Variants in BEND6 observed in about 807,000 individuals in gnomAD.
BEND6 encodes BEN domain-containing protein 6.
A neutral mutation model predicts 31.8 loss-of-function variants in BEND6; 24 were observed. The observed-to-expected ratio is 0.75, with a 90% CI of 0.55 to 1.06. BEND6 has a LOEUF of 1.06. BEND6 is among the 50% of genes least tolerant of loss of function. BEND6 has a pLI of 0.00. For synonymous variants in BEND6, 109 were observed against 114.6 expected, an observed-to-expected ratio of 0.95 and a Z score of 0.31; for missense variants, 294 against 327.4, an observed-to-expected ratio of 0.90 and a Z score of 0.79.
At chr6:56,974,604 T>A (rs1317199505) in intron 1 of BEND6, among the ~76,000 whole-genome samples, 1 of 152,188 alleles carries the variant, frequency 6.6e-6, no homozygotes, top group Non-Finnish European at 1.5e-5. Context: ...ATGGGACAAC[T>A]TCATTGCTTT....
intron 3 of BEND6, among the ~76,000 whole-genome samples, chr6:57,012,784 C>A (rs1827391376): frequency 6.6e-6 from 1 of 152,112 alleles, no homozygotes; most frequent in African/African-American, 2.4e-5. Context: ...TGCCAATGAA[C>A]ATGTACAAAC....
rs187472818 is a variant in BEND6, at chr6:56,983,909, A to C, written c.120+1979A>C. ...AAACAATGACAAAGTAAATATCCTT[A>C]TACATGTCCTTTTAAGAAACTTTGT... is the stretch of plus-strand genomic sequence containing the variant. On this transcript the variant is annotated intron_variant, in intron 2 of 6. Coordinates refer to ENST00000370746, the MANE Select transcript of BEND6 (RefSeq NM_152731.3). 1.1e-4 allele frequency among the ~76,000 whole-genome samples: 16 copies of C among 152,254 alleles called. No individual in the cohort carries two copies. The East Asian group carries it at 3.1e-3, about 29-fold the overall frequency.
rs1826338525 is a variant in BEND6, at chr6:56,987,826, A to G, written c.121-4552A>G. 2.0e-5 allele frequency among the ~76,000 whole-genome samples: 3 copies of G among 151,824 alleles called. No individual in the cohort carries two copies. The South Asian group carries it at 6.2e-4, about 32-fold the overall frequency. Reference sequence around the variant, plus strand: ...CTTATAAATTCCACTCTGTACTCCAATTTTCCAGATTTGGATATATATATA... The same window carrying G: ...CTTATAAATTCCACTCTGTACTCCAGTTTTCCAGATTTGGATATATATATA... On this transcript the variant is annotated intron_variant, in intron 2 of 6. Transcript: ENST00000370746.
intron 1 of BEND6, among the ~76,000 whole-genome samples, chr6:56,970,108 G>A (rs1216191748): frequency 6.6e-6 from 1 of 152,112 alleles, no homozygotes; most frequent in East Asian, 1.9e-4. Context: ...GCATGTGTGT[G>A]TGTATTTTCT....
Position 57,019,515 on chromosome 6 carries a change from A to G in BEND6, c.*9+958A>G, listed in dbSNP as rs1261404881. ...TACCAGCCACTTTCGAGACCATTTT[A>G]CTTGACTTCATTTCTTCTGACCATG... On this transcript the variant is annotated intron_variant, in intron 6 of 6. Coordinates refer to ENST00000370746, the MANE Select transcript of BEND6 (RefSeq NM_152731.3). Among the ~76,000 whole-genome samples, 3 of 151,934 alleles carry G rather than the reference A, an allele frequency of 2.0e-5. No homozygotes were observed. The East Asian group carries it at 5.8e-4, about 29-fold the overall frequency.
chr6:56,970,571 GTAAA>G (rs780964443), intron 1 of BEND6, among the ~76,000 whole-genome samples: 1 of 152,102 alleles, frequency 6.6e-6, no homozygotes, highest in Non-Finnish European at 1.5e-5. Flanking sequence ...CTTTTAGTAA[GTAAA>G]TAAATAAATA....
chr6:56,969,328 A>G (rs542216329), intron 1 of BEND6, among the ~76,000 whole-genome samples: 3 of 152,304 alleles, frequency 2.0e-5, no homozygotes, highest in African/African-American at 4.8e-5. Context: ...TAAATAATAT[A>G]GGCATCTCCT....
At chr6:57,026,003 CAAAT>C (rs939200772) in intron 6 of BEND6, 75 bp from the exon 7 acceptor site, 8 of 152,092 alleles carry the variant, frequency 5.3e-5, no homozygotes, top group Admixed American at 2.0e-4. Flanking sequence ...GATACAAAAA[CAAAT>C]AACTCATATA....
At position 56,981,122 on chromosome 6, in the gene BEND6, C is replaced by T. The variant is rs377407292; in HGVS notation, c.-100-589C>T. Among the ~76,000 whole-genome samples the T allele has an allele frequency of 4.0e-4, 61 of 152,220 alleles. 1 individual carries two copies. In the East Asian group the frequency reaches 0.01, roughly 25 times the overall value. ...AGCCGTCATGCCCAGCCTGCTTTAT[C>T]AGATTTTGATAAATGATTATTCCTT... On this transcript the variant is annotated intron_variant, in intron 1 of 6. Transcript: ENST00000370746.
chr6:56,958,303 G>C (rs13214032), intron 1 of BEND6, among the ~76,000 whole-genome samples: 17,965 of 152,216 alleles, frequency 0.12, 1,370 homozygotes, highest in Middle Eastern at 0.2. Flanking sequence ...AAAGGCGGCA[G>C]AAACATCTTC....
At chr6:57,017,622 G>C (rs533875281) in intron 5 of BEND6, among the ~76,000 whole-genome samples, 22 of 152,092 alleles carry the variant, frequency 1.4e-4, no homozygotes, top group African/African-American at 5.1e-4. Context: ...ATCACCAAAA[G>C]GTTTCAATTC....
chr6:56,976,680 T>C (rs1825889547), intron 1 of BEND6, among the ~76,000 whole-genome samples: 1 of 152,188 alleles, frequency 6.6e-6, no homozygotes, highest in South Asian at 2.1e-4. Flanking sequence ...TTCCCCTGCC[T>C]CAGCCTCCTG....
At chr6:57,004,943 A>G in intron 3 of BEND6, 2 of 515,744 alleles carry the variant, frequency 3.9e-6, no homozygotes, top group South Asian at 2.1e-5. Flanking sequence ...GTCAGATTAT[A>G]TAGTTGAAAG....
chr6:56,973,111 G>A (rs1825746784), intron 1 of BEND6, among the ~76,000 whole-genome samples: 1 of 152,174 alleles, frequency 6.6e-6, no homozygotes, highest in South Asian at 2.1e-4. Context: ...GAGACAGTGG[G>A]ATATATGTTG....
At chr6:57,011,715 CAAAAA>C (rs770049459) in intron 3 of BEND6, among the ~76,000 whole-genome samples, 2 of 34,114 alleles carry the variant, frequency 5.9e-5, no homozygotes, top group Non-Finnish European at 1.2e-4. Flanking sequence ...GGCCCTGTCT[CAAAAA>C]AAAAAAAAAA....
At chr6:56,970,149 C>A (rs975246882) in intron 1 of BEND6, among the ~76,000 whole-genome samples, 1 of 151,408 alleles carries the variant, frequency 6.6e-6, no homozygotes, top group African/African-American at 2.4e-5. Flanking sequence ...CTGTAACAGT[C>A]AAAAAAAATT....
At chr6:56,988,753 G>C (rs1826381042) in intron 2 of BEND6, among the ~76,000 whole-genome samples, 1 of 152,132 alleles carries the variant, frequency 6.6e-6, no homozygotes, top group Admixed American at 6.5e-5. Context: ...TATAGGCTGG[G>C]CGTGGTGGCT....
intron 3 of BEND6, among the ~76,000 whole-genome samples, chr6:56,995,663 TTC>T (rs1271611553): frequency 1.3e-5 from 2 of 152,146 alleles, no homozygotes; most frequent in Non-Finnish European, 1.5e-5. Context: ...TCTTGTGTGC[TTC>T]TCTCTCTGTG....
chr6:56,980,582 G>A (rs1170790170), intron 1 of BEND6, among the ~76,000 whole-genome samples: 1 of 152,210 alleles, frequency 6.6e-6, no homozygotes, highest in Non-Finnish European at 1.5e-5. Flanking sequence ...ATAGTCCTGT[G>A]TTAGCTCAAG....
Sources: allele counts gnomAD v4.1 joint callset (sites outside exome capture counted in the v4.1 genomes callset), GRCh38; gene constraint gnomAD v4.1.1; transcripts MANE v1.5; gene names NCBI Gene and HGNC (gene_info 2026-07-23, HGNC 2026-07-21).